CYTH3: variants seen among roughly 807,000 people sequenced by gnomAD.
The protein encoded by CYTH3 is cytohesin 3, also known as cytohesin-3.
CYTH3 carries 23 observed loss-of-function variants against 55.1 expected under a neutral mutation model. The observed-to-expected ratio is 0.42, with a 90% CI of 0.30 to 0.59. The LOEUF (loss-of-function observed/expected upper bound fraction) is 0.59. Among genes scored for constraint, CYTH3 ranks in the 20% least tolerant of loss-of-function variants. CYTH3 has a pLI of 0.20. For missense variants in CYTH3, 413 were observed against 524.8 expected (o/e 0.79, Z 2.08); for synonymous variants, 249 against 194.9 (o/e 1.28, Z -2.31).
At chr7:6,190,630 G>A (rs1019023252) in intron 1 of CYTH3, 99 bp from the exon 2 acceptor site, 12 of 892,892 alleles carry the variant, frequency 1.3e-5, no homozygotes, top group South Asian at 1.8e-5. Flanking sequence ...AATTCCATAC[G>A]CAGGTATTTA....
rs769399428 is a variant in CYTH3 at position 6,165,629 on chromosome 7, A to G, written c.901-13T>C. ...TGGGCTCCTTATCCTACAAGAGGAA[A>G]GTACACGGCGGGGCTCACTGTGGGT... is the stretch of plus-strand genomic sequence containing the variant. On this transcript the variant is annotated splice_polypyrimidine_tract_variant and intron_variant, in intron 10 of 12. Transcript: ENST00000350796. The G allele has an allele frequency of 1.3e-5, 21 of 1,613,686 alleles. No individual in the cohort carries two copies. Among genetic ancestry groups the G allele is most frequent in the African/African-American group, 2.7e-5 (2 of 75,026 alleles).
At chr7:6,200,112 A>C (rs368656129) in intron 1 of CYTH3, among the ~76,000 whole-genome samples, 1 of 152,218 alleles carries the variant, frequency 6.6e-6, no homozygotes, top group East Asian at 1.9e-4. Flanking sequence ...ATCAAGGAAA[A>C]ATGGGAGATT....
intron 1 of CYTH3, among the ~76,000 whole-genome samples, chr7:6,244,147 G>A (rs191390154): frequency 6.6e-6 from 1 of 152,266 alleles, no homozygotes; most frequent in Admixed American, 6.5e-5. Context: ...ATTTTGTCCT[G>A]TCAAAGTCGG....
Position 6,173,689 on chromosome 7 carries a change from T to C in CYTH3, c.413A>G (p.His138Arg). The C allele has an allele frequency of 1.2e-6, 2 of 1,612,470 alleles. No individual in the cohort carries two copies. The highest frequency in any genetic ancestry group is 1.7e-6 in the Non-Finnish European group (2 of 1,178,538). The stretch of plus-strand genomic sequence containing the variant: ...TACAAGGTTGAGATCAGCAAACTCA[T>C]GGAGTTCAACAAAGGCTTGAAGAAC... The part of the protein sequence containing the change: ...IKVLQAFVEL[H>R]EFADLNLVQA... Residue 138 changes from histidine (H) to arginine (R), a missense_variant, in exon 6 of 13, where the codon CAT becomes CGT. His to Arg is a conservative substitution (Grantham distance 29). This residue lies in a region of CYTH3 where 156 missense variants were observed against 233.1 expected (regional missense o/e 0.67). Transcript: ENST00000350796.
chr7:6,237,056 G>A (rs1779541974), intron 1 of CYTH3, among the ~76,000 whole-genome samples: 1 of 152,216 alleles, frequency 6.6e-6, no homozygotes, highest in South Asian at 2.1e-4. Flanking sequence ...CAAAGCAGAG[G>A]AGTACTTGCT....
At chr7:6,177,738 T>C (rs948492644) in intron 5 of CYTH3, 85 bp downstream of exon 5, 7 of 1,056,634 alleles carry the variant, frequency 6.6e-6, no homozygotes, top group Non-Finnish European at 1.0e-5. Context: ...TAGGCTGTGA[T>C]GGCCCCGAAA....
At position 6,165,419 on chromosome 7, in the gene CYTH3, A is replaced by G; in HGVS notation, c.981T>C (p.Phe327=). Residue 327 remains phenylalanine (F), a synonymous_variant, in exon 12 of 13, where the codon TTT becomes TTC. Coordinates refer to ENST00000350796, the MANE Select transcript of CYTH3 (RefSeq NM_004227.4). ...EVEDPRKPNC[F]ELYNPSHKGQ... ...CTTTGTGGCTGGGATTGTAGAGCTC[A>G]AAACAGTTCTGGTGGAGAAAGAGAG... The G allele has an allele frequency of 6.2e-7, 1 of 1,613,200 alleles. No individual in the cohort carries two copies. The highest frequency in any genetic ancestry group is 8.5e-7 in the Non-Finnish European group (1 of 1,179,516).
At chr7:6,257,340 C>T (rs1780154709) in intron 1 of CYTH3, among the ~76,000 whole-genome samples, 1 of 152,128 alleles carries the variant, frequency 6.6e-6, no homozygotes, top group Non-Finnish European at 1.5e-5. Flanking sequence ...CCTTTCTCAA[C>T]TCAAAAAAAT....
At position 6,168,065 on chromosome 7, in the gene CYTH3, C is replaced by T. The variant is rs531566616; in HGVS notation, c.824-2255G>A. Among the ~76,000 whole-genome samples, 38 of 152,322 alleles carry T rather than the reference C, an allele frequency of 2.5e-4. No individual in the cohort carries two copies. The South Asian group carries it at 7.7e-3, about 31-fold the overall frequency. The stretch of plus-strand genomic sequence containing the variant: ...ACCACACAGCATTCTCGCCTGCAGA[C>T]AAGAGCCTGGCTTCTGGAACCTGCA... On this transcript the variant is annotated intron_variant, in intron 9 of 12. Coordinates refer to ENST00000350796, the MANE Select transcript of CYTH3 (RefSeq NM_004227.4).
chr7:6,207,350 T>G (rs1003452713), intron 1 of CYTH3, among the ~76,000 whole-genome samples: 22 of 152,124 alleles, frequency 1.4e-4, no homozygotes, highest in African/African-American at 5.3e-4. Context: ...TGCCTCAGCC[T>G]CCCAAAGTGC....
intron 6 of CYTH3, among the ~76,000 whole-genome samples, chr7:6,173,295 G>A (rs1278073822): frequency 1.3e-5 from 2 of 152,154 alleles, no homozygotes; most frequent in Non-Finnish European, 2.9e-5. Context: ...TTGGTGCTTT[G>A]GGTCAAGTGT....
chr7:6,185,781 ACATGCACTT>A (rs1427449766), intron 4 of CYTH3, among the ~76,000 whole-genome samples: 4 of 152,034 alleles, frequency 2.6e-5, no homozygotes, highest in Admixed American at 6.5e-5. Flanking sequence ...GGAAATAACG[ACATGCACTT>A]CTGTAAATAT....
At position 6,161,986 on chromosome 7, in the gene CYTH3, C is replaced by T. The variant is rs1030510614; in HGVS notation, c.*2958G>A. ...ATTATTTACATATTACTATATTTAC[C>T]GCAAATAGAAATATTTTCTAAGAAA... On this transcript the variant is annotated 3_prime_UTR_variant, in exon 13 of 13. Transcript: ENST00000350796. The T allele has an allele frequency of 5.2e-5, 8 of 152,488 alleles. No individual in the cohort carries two copies. The highest frequency in any genetic ancestry group is 1.2e-4 in the African/African-American group (5 of 41,374). 9.4% of individuals were successfully genotyped at this position (152,488 alleles called of 1,614,324 possible). A position where few individuals can be genotyped will look rare whatever the true frequency, so the allele number is the denominator to read the frequency against.
At chr7:6,237,426 G>A (rs575494685) in intron 1 of CYTH3, among the ~76,000 whole-genome samples, 1 of 152,030 alleles carries the variant, frequency 6.6e-6, no homozygotes, top group Admixed American at 6.6e-5. Context: ...AAAAACACAT[G>A]CAGCCCGGTG....
chr7:6,212,570 C>T (rs572252878), intron 1 of CYTH3: 32 of 152,092 alleles, frequency 2.1e-4, no homozygotes, highest in Non-Finnish European at 4.4e-4. Flanking sequence ...AAAAAAAGTT[C>T]TCAAGGTTCA....
intron 4 of CYTH3, among the ~76,000 whole-genome samples, 179 bp downstream of exon 4, chr7:6,186,871 G>C (rs1783666862): frequency 6.6e-6 from 1 of 152,154 alleles, no homozygotes; most frequent in South Asian, 2.1e-4. Flanking sequence ...GCCCTACAAG[G>C]CACTTCTGCT....
In CYTH3 at chr7:6,240,103, C is replaced by G. The variant is rs182548019; in HGVS notation, c.34+32371G>C. Among the ~76,000 whole-genome samples the G allele has an allele frequency of 5.3e-5, 8 of 151,994 alleles. 1 individual carries two copies. The South Asian group carries it at 6.2e-4, about 12-fold the overall frequency. On this transcript the variant is annotated intron_variant, in intron 1 of 12. Coordinates refer to ENST00000350796, the MANE Select transcript of CYTH3 (RefSeq NM_004227.4). Reference sequence around the variant, plus strand: ...GGTGGATCGCGTGAGGTCAGGAGTTCGAGACCAGCCTGGCCAACACAGTGA... The same window carrying G: ...GGTGGATCGCGTGAGGTCAGGAGTTGGAGACCAGCCTGGCCAACACAGTGA...
At chr7:6,173,551 T>C in intron 6 of CYTH3, 102 bp downstream of exon 6, 2 of 766,884 alleles carry the variant, frequency 2.6e-6, no homozygotes, top group Non-Finnish European at 2.4e-6. Flanking sequence ...GAGACTCGTG[T>C]GGCACCAAGT....
At chr7:6,250,521 C>T (rs777079452) in intron 1 of CYTH3, among the ~76,000 whole-genome samples, 2 of 152,176 alleles carry the variant, frequency 1.3e-5, no homozygotes, top group Non-Finnish European at 1.5e-5. Flanking sequence ...CTGAATCGAG[C>T]TGCAACACGG....
Sources: gnomAD v4.1 joint callset for allele counts (sites outside exome capture counted in the v4.1 genomes callset) on GRCh38, gnomAD v4.1.1 for gene constraint, gnomAD v4.1.1 regional missense constraint, MANE v1.5 for transcripts, NCBI Gene and HGNC (gene_info 2026-07-23, HGNC 2026-07-21) for gene names.